Variants in DDI2 observed in about 807,000 individuals in gnomAD.
DDI2 encodes the protein protein DDI1 homolog 2.
In DDI2, 5 loss-of-function variants were observed where a neutral mutation model predicts 48.1. The observed-to-expected ratio is 0.10, with a 90% CI of 0.05 to 0.22. The LOEUF is 0.22. Ranked by LOEUF, DDI2 falls within the 10% of genes least tolerant of loss-of-function variation. The pLI is 1.00. For missense variants in DDI2, 285 were observed against 506.2 expected (o/e 0.56, Z 4.19); for synonymous variants, 205 against 183.6 (o/e 1.12, Z -0.94).
intron 4 of DDI2, among the ~76,000 whole-genome samples, chr1:15,637,631 G>C (rs552608777): frequency 6.6e-6 from 1 of 152,354 alleles, no homozygotes; most frequent in East Asian, 1.9e-4. Flanking sequence ...GCCTCCCAAA[G>C]TGTTGGGATT....
intron 5 of DDI2, among the ~76,000 whole-genome samples, chr1:15,643,056 G>A (rs1640034477): frequency 1.3e-5 from 2 of 152,010 alleles, no homozygotes; most frequent in Admixed American, 6.6e-5. Flanking sequence ...GACAGAGCGA[G>A]ACTGTCTCAA....
chr1:15,656,000 A>T (rs189862644), intron 8 of DDI2, among the ~76,000 whole-genome samples: 2,076 of 149,760 alleles, frequency 0.014, 52 homozygotes, highest in African/African-American at 0.048. Context: ...AAATGTTTTA[A>T]AAAAAAAACA....
chr1:15,660,137 A>T lies in DDI2; in HGVS notation c.*347A>T, dbSNP rs1640341319. ...TCCTCAGCAGACCATGCTCCAACAG[A>T]CCAGAGTCCAGCTATGCCTATGCAG... On this transcript the variant is annotated 3_prime_UTR_variant, in exon 10 of 10. Transcript: ENST00000480945. The T allele has an allele frequency of 1.2e-6, 2 of 1,614,206 alleles. No homozygotes were observed. The highest frequency in any genetic ancestry group is 1.7e-6 in the Non-Finnish European group (2 of 1,180,032).
intron 6 of DDI2, among the ~76,000 whole-genome samples, chr1:15,648,223 T>G (rs1275152517): frequency 6.6e-6 from 1 of 152,212 alleles, no homozygotes; most frequent in Non-Finnish European, 1.5e-5. Context: ...GGCTGAGTTC[T>G]CAGATTTTTG....
In DDI2 at chr1:15,662,938, G is replaced by T. The variant is rs188990955; in HGVS notation, c.*3148G>T. 1 of 152,038 alleles carries T rather than the reference G, an allele frequency of 6.6e-6. No homozygotes were observed. Among genetic ancestry groups the T allele is most frequent in the Non-Finnish European group, 1.5e-5 (1 of 67,998 alleles). 9.4% of individuals were successfully genotyped at this position (152,038 alleles called of 1,614,324 possible). On this transcript the variant is annotated 3_prime_UTR_variant, in exon 10 of 10. Coordinates refer to ENST00000480945, the MANE Select transcript of DDI2 (RefSeq NM_032341.5). ...GTGTTTACCATGTCAAGTTAGAGTG[G>T]GGCATAATATATAGATGTATTTATT...
chr1:15,653,688 G>T (rs768103307), intron 8 of DDI2, among the ~76,000 whole-genome samples: 54 of 152,158 alleles, frequency 3.5e-4, no homozygotes, highest in Non-Finnish European at 7.4e-4. Context: ...GTAAAGATGA[G>T]GTTTTGCCAT....
At chr1:15,648,540 T>C (rs1640125124) in intron 6 of DDI2, among the ~76,000 whole-genome samples, 1 of 152,130 alleles carries the variant, frequency 6.6e-6, no homozygotes, top group Non-Finnish European at 1.5e-5. Flanking sequence ...GGCAAAATAC[T>C]CTAGAAAAAC....
At chr1:15,654,379 G>A (rs767578352) in intron 8 of DDI2, among the ~76,000 whole-genome samples, 13 of 152,106 alleles carry the variant, frequency 8.5e-5, no homozygotes, top group South Asian at 2.1e-4. Flanking sequence ...GAGTCAGGGC[G>A]TGGTGGCTTA....
chr1:15,621,015 C>T (rs1461987232), intron 1 of DDI2, among the ~76,000 whole-genome samples: 1 of 152,154 alleles, frequency 6.6e-6, no homozygotes. Flanking sequence ...TTTTTAACAG[C>T]TCTAGTCTGA....
In DDI2 at chr1:15,659,888, C is replaced by T. The variant is rs746188441; in HGVS notation, c.*98C>T. The T allele has an allele frequency of 6.3e-7, 1 of 1,588,104 alleles. No homozygotes were observed. The highest frequency in any genetic ancestry group is 8.5e-7 in the Non-Finnish European group (1 of 1,170,240). On this transcript the variant is annotated 3_prime_UTR_variant, in exon 10 of 10. Transcript: ENST00000480945. ...CTGGGAATGTCATCATTACCAACTT[C>T]AGATGGGTTTAACCATCCCGCCCGT...
intron 8 of DDI2, chr1:15,656,302 A>C: frequency 1.3e-6 from 1 of 766,770 alleles, no homozygotes; most frequent in African/African-American, 1.8e-5. Context: ...TTAATCACCT[A>C]ATTCGATCAG....
At chr1:15,618,079 T>C (rs1639592799) in intron 1 of DDI2, among the ~76,000 whole-genome samples, 1 of 152,160 alleles carries the variant, frequency 6.6e-6, no homozygotes, top group South Asian at 2.1e-4. Context: ...CGTGGACTGT[T>C]GAGCAGCGCT....
In DDI2 at chr1:15,651,698, C is replaced by T. The variant is rs1399372192; in HGVS notation, c.994-8C>T. 6.3e-7 allele frequency: 1 copy of T among 1,591,734 alleles called. No homozygotes were observed. The highest frequency in any genetic ancestry group is 8.5e-7 in the Non-Finnish European group (1 of 1,171,322). On this transcript the variant is annotated splice_polypyrimidine_tract_variant and splice_region_variant and intron_variant, in intron 7 of 9. Transcript: ENST00000480945. ...TCTGCTATTATTCTTTGGTTTCTTT[C>T]TTCCAAGTGTTCCATCGACCTGAAG... is the stretch of plus-strand genomic sequence containing the variant.
intron 2 of DDI2, among the ~76,000 whole-genome samples, chr1:15,627,579 T>C (rs188418692): frequency 5.5e-4 from 84 of 152,334 alleles, no homozygotes; most frequent in Non-Finnish European, 9.6e-4. Flanking sequence ...ATTGTGTGGA[T>C]GTGAATGTGT....
In DDI2 at chr1:15,661,342, A is replaced by G. The variant is rs760094145; in HGVS notation, c.*1552A>G. On this transcript the variant is annotated 3_prime_UTR_variant, in exon 10 of 10. Transcript: ENST00000480945. ...GTTACACTGCACCTTAGGTGTAGAA[A>G]TTTCACCCAAACTTTTAGCAGGTGA... 2 of 1,614,088 alleles carry G rather than the reference A, an allele frequency of 1.2e-6. No homozygotes were observed. Among genetic ancestry groups the G allele is most frequent in the South Asian group, 1.1e-5 (1 of 91,064 alleles).
chr1:15,640,789 C>A (rs1639994997), intron 5 of DDI2, among the ~76,000 whole-genome samples: 1 of 152,120 alleles, frequency 6.6e-6, no homozygotes, highest in African/African-American at 2.4e-5. Flanking sequence ...ATGCCAAGAA[C>A]TTTTATTACT....
At chr1:15,633,940 T>C in intron 4 of DDI2, 1 of 416,832 alleles carries the variant, frequency 2.4e-6, no homozygotes, top group South Asian at 1.7e-5. Context: ...TCTTTAGACA[T>C]ATTGTATAAG....
intron 5 of DDI2, among the ~76,000 whole-genome samples, chr1:15,642,582 C>T (rs899797754): frequency 3.9e-5 from 6 of 152,090 alleles, no homozygotes; most frequent in South Asian, 2.1e-4. Context: ...TCCTGAAGTA[C>T]GATTACAGGC....
rs1640481335 is a variant in DDI2, at chr1:15,668,075, T to G, written c.*8285T>G. 6.6e-6 allele frequency: 1 copy of G among 152,144 alleles called. No homozygotes were observed. Among genetic ancestry groups the G allele is most frequent in the African/African-American group, 2.4e-5 (1 of 41,416 alleles). The allele number at this position is 152,144 out of a possible 1,614,324, so 9.4% of individuals were successfully genotyped here. ...TTTCTTTATGTTCTGCAAGAAGGTT[T>G]TTATTAGCTAATTTGGGGAGGGGGG... On this transcript the variant is annotated 3_prime_UTR_variant, in exon 10 of 10. Coordinates refer to ENST00000480945, the MANE Select transcript of DDI2 (RefSeq NM_032341.5).
Sources: allele counts gnomAD v4.1 joint callset (sites outside exome capture counted in the v4.1 genomes callset), GRCh38; gene constraint gnomAD v4.1.1; transcripts MANE v1.5; gene names NCBI Gene and HGNC (gene_info 2026-07-23, HGNC 2026-07-21).